The following ASRGL1 variants were observed in gnomAD, a reference collection of about 807,000 sequenced individuals.
The protein encoded by ASRGL1 is asparaginase and isoaspartyl peptidase 1, also known as isoaspartyl peptidase/L-asparaginase.
Under a neutral mutation model 22.4 loss-of-function variants are expected in ASRGL1, and 16 were observed. That is an observed-to-expected ratio of 0.71 (90% confidence interval 0.48 to 1.08). ASRGL1 has a LOEUF of 1.08. Among genes scored for constraint, ASRGL1 ranks in the 50% least tolerant of loss-of-function variants. The pLI is 0.00. For missense variants in ASRGL1, 412 were observed against 410.1 expected (o/e 1.00, Z -0.04); for synonymous variants, 165 against 159.3 (o/e 1.04, Z -0.27).
chr11:62,352,226 G>A (rs530176852), intron 2 of ASRGL1, among the ~76,000 whole-genome samples: 38 of 152,274 alleles, frequency 2.5e-4, no homozygotes, highest in African/African-American at 9.1e-4. Context: ...CCACTCTCAT[G>A]GGCACAAGAA....
chr11:62,389,197 A>T lies in ASRGL1; in HGVS notation c.556A>T (p.Thr186Ser). The change falls in exon 5 of 7, where the codon ACA becomes TCA. Residue 186 changes from threonine (T) to serine (S), a missense_variant. By Grantham distance (58) the Thr-to-Ser change is moderately conservative. Transcript: ENST00000415229. The part of the protein sequence containing the change: ...CKGNVAYATS[T>S]GGIVNKMVGR... ...AGGGAATGTAGCCTACGCAACCTCC[A>T]CAGGCGGTATCGTTAATAAAATGGT... The T allele has an allele frequency of 1.9e-6, 3 of 1,614,186 alleles. No individual in the cohort carries two copies. In the South Asian group the frequency reaches 3.3e-5, roughly 18 times the overall value.
chr11:62,373,063 C>A, intron 4 of ASRGL1: 4 of 1,433,414 alleles, frequency 2.8e-6, no homozygotes, highest in Non-Finnish European at 3.9e-6. Context: ...GGCATTTTCT[C>A]AGAGCCGGTC....
intron 4 of ASRGL1, among the ~76,000 whole-genome samples, chr11:62,381,278 A>G (rs1947060692): frequency 6.6e-6 from 1 of 152,164 alleles, no homozygotes; most frequent in Non-Finnish European, 1.5e-5. Context: ...TGGCCCCGCT[A>G]ATTCTGGACC....
In ASRGL1 at chr11:62,337,974, CG is replaced by C; in HGVS notation, c.-3del. The C allele has an allele frequency of 6.3e-7, 1 of 1,592,224 alleles. No homozygotes were observed. The highest frequency in any genetic ancestry group is 1.3e-5 in the African/African-American group (1 of 74,838). ...CGCCTTCCTGCTGCCTAGGATCCGC[CG>C]ACATGAATCCCATCGTAGTGGTCCA... On this transcript the variant is annotated 5_prime_UTR_variant, in exon 2 of 7. Transcript: ENST00000415229.
At chr11:62,396,983 T>G (rs1462493893), downstream of ASRGL1, among the ~76,000 whole-genome samples, 1 of 152,198 alleles carries the variant, frequency 6.6e-6, no homozygotes, top group African/African-American at 2.4e-5. Context: ...CCTGCCCGCC[T>G]TGGCCCTGGA....
At chr11:62,338,784 AG>A (rs1945790856) in intron 2 of ASRGL1, among the ~76,000 whole-genome samples, 1 of 151,254 alleles carries the variant, frequency 6.6e-6, no homozygotes, top group South Asian at 2.1e-4. Flanking sequence ...AAAATACAAA[AG>A]AAAAAAAAAA....
In ASRGL1 at chr11:62,338,166, A is replaced by T; in HGVS notation, c.189A>T (p.Ala63=). The part of the protein sequence containing the change: ...VALEDDPEFN[A]GCGSVLNTNG... ...TGGAAGACGATCCCGAGTTCAACGC[A>T]GGTAAATGTGCCTTTCAGCTAGTAA... The change falls in exon 2 of 7, where the codon GCA becomes GCT. Residue 63 remains alanine, a splice_region_variant and synonymous_variant. Coordinates refer to ENST00000415229, the MANE Select transcript of ASRGL1 (RefSeq NM_001083926.2). 6.4e-7 allele frequency: 1 copy of T among 1,559,902 alleles called. No individual in the cohort carries two copies. The highest frequency in any genetic ancestry group is 1.2e-5 in the South Asian group (1 of 81,458).
intron 4 of ASRGL1, among the ~76,000 whole-genome samples, chr11:62,362,548 A>G (rs868465238): frequency 0.16 from 2,935 of 18,700 alleles, 411 homozygotes; most frequent in African/African-American, 0.33. Flanking sequence ...TATAAAATAT[A>G]TAACATATAT....
At position 62,347,412 on chromosome 11, in the gene ASRGL1, G is replaced by A. The variant is rs112778654; in HGVS notation, c.191-8913G>A. 9.7e-3 allele frequency among the ~76,000 whole-genome samples: 1,479 copies of A among 152,192 alleles called. 29 individuals are homozygous for A. The highest frequency in any genetic ancestry group is 0.031 in the African/African-American group (1,290 of 41,526). ...GTGAGACTGAAAGTTCAGGCCCTCT[G>A]ATTACACGATTGGTTCCCTGGCAAC... On this transcript the variant is annotated intron_variant, in intron 2 of 6. Transcript: ENST00000415229.
intron 4 of ASRGL1, among the ~76,000 whole-genome samples, chr11:62,378,338 A>T (rs1372624692): frequency 6.6e-6 from 1 of 152,208 alleles, no homozygotes; most frequent in Non-Finnish European, 1.5e-5. Context: ...TCTGCAGCAC[A>T]TAAAATATCA....
intron 2 of ASRGL1, among the ~76,000 whole-genome samples, chr11:62,352,274 C>G (rs1269232845): frequency 6.6e-6 from 1 of 152,118 alleles, no homozygotes; most frequent in Non-Finnish European, 1.5e-5. Context: ...GAGATAGTAA[C>G]CACCTACAAG....
Position 62,371,254 on chromosome 11 carries a change from C to A in ASRGL1, c.491+14110C>A, listed in dbSNP as rs12295524. ...CAGCCGGAAGCGCGAGCCTCCCGAG[C>A]GCTGCAGTAGCAGCAGTGGTGGCAG... On this transcript the variant is annotated intron_variant, in intron 4 of 6. Transcript: ENST00000415229. 2,474 of 1,321,890 alleles carry A rather than the reference C, an allele frequency of 1.9e-3. 40 individuals carry two copies. In the African/African-American group the frequency reaches 0.034, roughly 18 times the overall value. The allele number at this position is 1,321,890 out of a possible 1,614,324, so 81.9% of individuals were successfully genotyped here. A position where few individuals can be genotyped will look rare whatever the true frequency, so the allele number is the denominator to read the frequency against.
In ASRGL1 at chr11:62,391,520, AGGAGC is replaced by A. The variant is rs1167350210; in HGVS notation, c.611-1_614del. On this transcript the variant is annotated splice_acceptor_variant and coding_sequence_variant, in exon 6 of 7. Transcript: ENST00000415229. LOFTEE classifies it high-confidence loss of function. ...CTCAGAACAATCACCCTTTTTGAGCAGGAGCTGGAGGTTATGCCGACAATGACATC... is the reference window on the plus strand; with the variant it reads ...CTCAGAACAATCACCCTTTTTGAGCATGGAGGTTATGCCGACAATGACATC... 6.2e-7 allele frequency: 1 copy of A among 1,608,284 alleles called. No homozygotes were observed. The highest frequency in any genetic ancestry group is 1.3e-5 in the African/African-American group (1 of 74,750).
At chr11:62,372,025 AC>A in intron 4 of ASRGL1, 1 of 727,442 alleles carries the variant, frequency 1.4e-6, no homozygotes, top group Non-Finnish European at 2.5e-6. Context: ...ATTTGTGGGG[AC>A]CCCATAGGTA....
At chr11:62,383,561 C>T (rs1947125549) in intron 4 of ASRGL1, among the ~76,000 whole-genome samples, 2 of 135,864 alleles carry the variant, frequency 1.5e-5, no homozygotes, top group Non-Finnish European at 3.1e-5. Context: ...CGAGATCCCG[C>T]CACTGCACTC....
At position 62,357,144 on chromosome 11, in the gene ASRGL1, AG is replaced by A. The variant is rs1456855006; in HGVS notation, c.491+1del. On this transcript the variant is annotated splice_donor_variant, in intron 4 of 6. Coordinates refer to ENST00000415229, the MANE Select transcript of ASRGL1 (RefSeq NM_001083926.2). LOFTEE classifies it high-confidence loss of function. ...GGTGCTCAGAAAACAGATTGTCAAAAGTAAGTCTTACCTGTGGCTCGCATTA... is the reference window on the plus strand; with the variant it reads ...GGTGCTCAGAAAACAGATTGTCAAAATAAGTCTTACCTGTGGCTCGCATTA... 6.2e-7 allele frequency: 1 copy of A among 1,612,580 alleles called. No individual in the cohort carries two copies. Among genetic ancestry groups the A allele is most frequent in the Non-Finnish European group, 8.5e-7 (1 of 1,179,480 alleles).
At chr11:62,345,700 C>T (rs1264963759) in intron 2 of ASRGL1, among the ~76,000 whole-genome samples, 1 of 152,136 alleles carries the variant, frequency 6.6e-6, no homozygotes, top group Non-Finnish European at 1.5e-5. Context: ...GCTCATAGAA[C>T]TCTGGAAAAC....
chr11:62,351,304 A>G (rs1946159847), intron 2 of ASRGL1, among the ~76,000 whole-genome samples: 1 of 152,166 alleles, frequency 6.6e-6, no homozygotes, highest in Non-Finnish European at 1.5e-5. Flanking sequence ...AGTCTATTAT[A>G]TTTACCAATT....
At chr11:62,391,246 G>A (rs908661674) in intron 5 of ASRGL1, among the ~76,000 whole-genome samples, 9 of 152,198 alleles carry the variant, frequency 5.9e-5, no homozygotes, top group Non-Finnish European at 1.3e-4. Context: ...AAAAGGAATG[G>A]CTGTGCTTTG....
Sources: allele counts gnomAD v4.1 joint callset (sites outside exome capture counted in the v4.1 genomes callset), GRCh38; gene constraint gnomAD v4.1.1; transcripts MANE v1.5; gene names NCBI Gene and HGNC (gene_info 2026-07-23, HGNC 2026-07-21).